SPG11: variants seen among roughly 807,000 people sequenced by gnomAD.
The protein encoded by SPG11 is SPG11 vesicle trafficking associated, spatacsin.
SPG11 carries 222 observed loss-of-function variants against 274.0 expected under a neutral mutation model. The ratio of observed to expected loss-of-function variants is 0.81; its 90% CI spans 0.73 to 0.91. The LOEUF (loss-of-function observed/expected upper bound fraction) is 0.91, where lower values mean the gene tolerates loss of function less well. Ranked by LOEUF, SPG11 falls within the 40% of genes least tolerant of loss-of-function variation. The pLI is 0.00. For synonymous variants in SPG11, 1,144 were observed against 1,039.7 expected, an observed-to-expected ratio of 1.10 and a Z score of -1.93; for missense variants, 3,114 against 2,872.7, an observed-to-expected ratio of 1.08 and a Z score of -1.92.
At chr15:44,625,384 G>C (rs1291782473) in intron 11 of SPG11, among the ~76,000 whole-genome samples, 1 of 152,150 alleles carries the variant, frequency 6.6e-6, no homozygotes, top group Non-Finnish European at 1.5e-5. Flanking sequence ...TGTTGGAGGA[G>C]GGGCCTGTTG....
At chr15:44,566,148 G>A in intron 37 of SPG11, 69 bp downstream of exon 37, 1 of 1,599,544 alleles carries the variant, frequency 6.3e-7, no homozygotes, top group Admixed American at 1.7e-5. Context: ...AGAGCCCAAG[G>A]ACAAAAGAAA....
At chr15:44,649,064 A>G (rs1689636792) in intron 6 of SPG11, 53 bp from the exon 7 acceptor site, 2 of 1,443,036 alleles carry the variant, frequency 1.4e-6, no homozygotes, top group African/African-American at 2.8e-5. Flanking sequence ...TTTTAGGATT[A>G]TGATTTAGGA....
chr15:44,648,828 ATAAT>A (rs1195334438), intron 7 of SPG11, 34 bp downstream of exon 7: 2 of 1,604,646 alleles, frequency 1.2e-6, no homozygotes, highest in East Asian at 2.2e-5. Flanking sequence ...ATAACACAAA[ATAAT>A]TAAGTAATGT....
intron 34 of SPG11, 23 bp from the exon 35 acceptor site, chr15:44,569,528 G>A (rs566884077): frequency 5.2e-6 from 8 of 1,525,186 alleles, no homozygotes; most frequent in Admixed American, 3.8e-5. Context: ...AGGACAGCTC[G>A]CATCAGCATC....
Position 44,606,176 on chromosome 15 carries a change from G to A in SPG11, c.3454-85C>T, listed in dbSNP as rs117321266. ...AAAATTATATGAAAGGACTTCAGAG[G>A]TAGTCTGCTCCCCTTTTCCAAGGCA... On this transcript the variant is annotated intron_variant, in intron 19 of 39. Coordinates refer to ENST00000261866, the MANE Select transcript of SPG11 (RefSeq NM_025137.4). 5.2e-4 allele frequency: 614 copies of A among 1,190,132 alleles called. 4 individuals carry two copies. In the East Asian group the frequency reaches 0.015, roughly 28 times the overall value. 73.7% of individuals were successfully genotyped at this position (1,190,132 alleles called of 1,614,324 possible). A position where few individuals can be genotyped will look rare whatever the true frequency, so the allele number is the denominator to read the frequency against.
In SPG11 at chr15:44,570,671, G is replaced by A. The variant is rs565057074; in HGVS notation, c.6344-13C>T. 1 of 1,613,090 alleles carries A rather than the reference G, an allele frequency of 6.2e-7. No individual in the cohort carries two copies. On this transcript the variant is annotated splice_polypyrimidine_tract_variant and intron_variant, in intron 33 of 39. Transcript: ENST00000261866. ...AGGAGCTCTGTGGCTGGGAGGGTGG[G>A]CACTGGTAAGATAAGATTATGAACC... is the stretch of plus-strand genomic sequence containing the variant.
rs748959596 is a variant in SPG11, at chr15:44,585,736, C to A, written c.5021G>T (p.Arg1674Ile). 6.2e-7 allele frequency: 1 copy of A among 1,612,868 alleles called. No individual in the cohort carries two copies. The highest frequency in any genetic ancestry group is 1.1e-5 in the South Asian group (1 of 91,064). ...YSIENLQHEC[R>I]SILERLQTDG... is the part of the protein sequence containing the mutation. ...TGTCTGCAGTCTTTCCAAAATAGAT[C>A]TACATTCATGCTGAAGATTCTCAAT... The change falls in exon 29 of 40, where the codon AGA (arginine) becomes ATA (isoleucine). Residue 1674 changes from arginine to isoleucine, a missense_variant. Physicochemically the swap from Arg to Ile is moderately conservative, Grantham distance 97. Transcript: ENST00000261866.
rs1219582353 is a variant in SPG11, at chr15:44,622,716, A to C, written c.2316+12T>G. On this transcript the variant is annotated intron_variant, in intron 12 of 39. Transcript: ENST00000261866. ...TAGAAAATGTATACTATGTAGTCTC[A>C]CCTTTACCTACCAAAAAGTCACGTA... is the stretch of plus-strand genomic sequence containing the variant. 6.2e-7 allele frequency: 1 copy of C among 1,601,112 alleles called. No homozygotes were observed.
At chr15:44,626,242 T>G (rs2083894278) in intron 11 of SPG11, 89 bp downstream of exon 11, 2 of 1,144,696 alleles carry the variant, frequency 1.7e-6, no homozygotes, top group Non-Finnish European at 2.5e-6. Context: ...TTTCTTAGTT[T>G]ATGAAATAAT....
chr15:44,626,539 T>C (rs775397382), intron 10 of SPG11, 32 bp from the exon 11 acceptor site: 58 of 1,604,558 alleles, frequency 3.6e-5, no homozygotes, highest in Non-Finnish European at 4.9e-5. Flanking sequence ...CCTTTTAAGT[T>C]CTTTTTCATT....
At chr15:44,643,724 C>T (rs978988452) in intron 7 of SPG11, among the ~76,000 whole-genome samples, 2 of 152,030 alleles carry the variant, frequency 1.3e-5, no homozygotes, top group Non-Finnish European at 2.9e-5. Flanking sequence ...TCAAAGGACA[C>T]CATCGAGAAG....
intron 15 of SPG11, among the ~76,000 whole-genome samples, chr15:44,617,066 G>A (rs1280433524): frequency 6.6e-6 from 1 of 152,128 alleles, no homozygotes; most frequent in Non-Finnish European, 1.5e-5. Context: ...TCACCTCTAT[G>A]GGTTCTACTA....
At chr15:44,612,133 T>C (rs2083475806) in intron 17 of SPG11, among the ~76,000 whole-genome samples, 1 of 152,184 alleles carries the variant, frequency 6.6e-6, no homozygotes, top group African/African-American at 2.4e-5. Context: ...TCTTTAAGAA[T>C]GTGGGAAAAT....
At chr15:44,571,437 A>AT in intron 33 of SPG11, among the ~76,000 whole-genome samples, 1 of 152,104 alleles carries the variant, frequency 6.6e-6, no homozygotes, top group East Asian at 1.9e-4. Context: ...CACTCAGTAA[A>AT]TACTGTTGAA....
intron 15 of SPG11, among the ~76,000 whole-genome samples, chr15:44,618,336 G>T (rs548864789): frequency 7.1e-6 from 1 of 140,082 alleles, no homozygotes. Flanking sequence ...GTGAAACCTC[G>T]TCTCTACTAA....
At chr15:44,593,824 G>C (rs1221792817) in intron 26 of SPG11, among the ~76,000 whole-genome samples, 3 of 150,682 alleles carry the variant, frequency 2.0e-5, no homozygotes, top group African/African-American at 7.3e-5. Context: ...TGTGATCTTG[G>C]CTCACTGCAA....
chr15:44,628,222 T>C lies in SPG11; in HGVS notation c.2067+447A>G, dbSNP rs368680131. On this transcript the variant is annotated intron_variant, in intron 10 of 39. Coordinates refer to ENST00000261866, the MANE Select transcript of SPG11 (RefSeq NM_025137.4). The stretch of plus-strand genomic sequence containing the variant: ...AATTTAACTGGCAAAATGTCTTAAA[T>C]AGAATTTCAGATAGGACTAAAATTA... Among the ~76,000 whole-genome samples the C allele has an allele frequency of 1.5e-4, 23 of 152,328 alleles. No homozygotes were observed. In the East Asian group the frequency reaches 2.3e-3, roughly 15 times the overall value.
At position 44,569,502 on chromosome 15, in the gene SPG11, G is replaced by T. The variant is rs773954273; in HGVS notation, c.6481C>A (p.Arg2161=). The change falls in exon 35 of 40, where the codon CGG becomes AGG. Residue 2161 remains arginine, a synonymous_variant. Coordinates refer to ENST00000261866, the MANE Select transcript of SPG11 (RefSeq NM_025137.4). ...TACCTTCCAATGCCAGTGAGGAGCC[G>T]TACCTGTGAAGTGGGAGGACAGCTC... ...APSEEYGLVV[R]LLTGIGRYNE... is the part of the protein sequence containing the mutation. 1 of 1,584,698 alleles carries T rather than the reference G, an allele frequency of 6.3e-7. No individual in the cohort carries two copies. The highest frequency in any genetic ancestry group is 1.3e-5 in the African/African-American group (1 of 74,540).
chr15:44,640,117 G>A (rs1265147011), intron 7 of SPG11, among the ~76,000 whole-genome samples: 2 of 152,186 alleles, frequency 1.3e-5, no homozygotes, highest in Non-Finnish European at 2.9e-5. Context: ...GGCTGAGGCA[G>A]GAGAATCGCT....
Sources: gnomAD v4.1 joint callset for allele counts (sites outside exome capture counted in the v4.1 genomes callset) on GRCh38, gnomAD v4.1.1 for gene constraint, MANE v1.5 for transcripts, NCBI Gene and HGNC (gene_info 2026-07-23, HGNC 2026-07-21) for gene names.